GNA12: variants seen among roughly 807,000 people sequenced by gnomAD.
The protein encoded by GNA12 is G protein subunit alpha 12.
A neutral mutation model predicts 26.0 loss-of-function variants in GNA12; 9 were observed. That is an observed-to-expected ratio of 0.35 (90% CI 0.21 to 0.60). The LOEUF (loss-of-function observed/expected upper bound fraction) is 0.60. Among genes scored for constraint, GNA12 ranks in the 20% least tolerant of loss-of-function variants. The pLI is 0.78. For synonymous variants in GNA12, 264 were observed against 219.6 expected, an observed-to-expected ratio of 1.20 and a Z score of -1.79; for missense variants, 405 against 525.8, an observed-to-expected ratio of 0.77 and a Z score of 2.25.
intron 2 of GNA12, among the ~76,000 whole-genome samples, chr7:2,767,937 C>T (rs1487723888): frequency 6.6e-6 from 1 of 152,198 alleles, no homozygotes; most frequent in Non-Finnish European, 1.5e-5. Flanking sequence ...TCACTGCAAC[C>T]TCCGCCTCCT....
At chr7:2,759,699 A>AT (rs1791468140) in intron 2 of GNA12, among the ~76,000 whole-genome samples, 1 of 152,168 alleles carries the variant, frequency 6.6e-6, no homozygotes, top group Non-Finnish European at 1.5e-5. Flanking sequence ...TTCTGTAGTC[A>AT]TACAGGATAG....
rs2115265503 is a variant in GNA12, at chr7:2,728,151, A to G, written c.*3030T>C. 6.6e-6 allele frequency: 1 copy of G among 152,452 alleles called. No homozygotes were observed. 9.4% of individuals were successfully genotyped at this position (152,452 alleles called of 1,614,324 possible). ...ACTAAATTTATTTTAATAAACATTCAGAGGCTGAGGGTGGCCAAATTTTCA... is the reference window on the plus strand; with the variant it reads ...ACTAAATTTATTTTAATAAACATTCGGAGGCTGAGGGTGGCCAAATTTTCA... On this transcript the variant is annotated 3_prime_UTR_variant, in exon 4 of 4. Transcript: ENST00000275364.
intron 1 of GNA12, chr7:2,814,917 A>AT: frequency 1.3e-6 from 2 of 1,597,014 alleles, no homozygotes; most frequent in Non-Finnish European, 8.5e-7. Context: ...CCTGGGAAAC[A>AT]TTCTCCGTTT....
chr7:2,735,361 T>C (rs1427414885), intron 2 of GNA12, among the ~76,000 whole-genome samples: 1 of 152,206 alleles, frequency 6.6e-6, no homozygotes, highest in Non-Finnish European at 1.5e-5. Flanking sequence ...GAGGCAGTTC[T>C]CCTGCAGGGT....
Position 2,786,555 on chromosome 7 carries a change from CTCTG to C in GNA12, c.525+8369_525+8372del, listed in dbSNP as rs199976870. On this transcript the variant is annotated intron_variant, in intron 2 of 3. Coordinates refer to ENST00000275364, the MANE Select transcript of GNA12 (RefSeq NM_007353.3). ...AACTAAACGTATAAACATATTATAT[CTCTG>C]TCTGTCTGTCTATCTATGGAAGACT... is the stretch of plus-strand genomic sequence containing the variant. Among the ~76,000 whole-genome samples, 252 of 152,314 alleles carry C rather than the reference CTCTG, an allele frequency of 1.7e-3. 1 individual carries two copies. The highest frequency in any genetic ancestry group is 5.5e-3 in the African/African-American group (227 of 41,564).
At chr7:2,836,497 A>G (rs1401077899) in intron 1 of GNA12, among the ~76,000 whole-genome samples, 1 of 152,192 alleles carries the variant, frequency 6.6e-6, no homozygotes, top group Non-Finnish European at 1.5e-5. Context: ...GGCGCTGCAG[A>G]AGCCTCCAAG....
intron 1 of GNA12, among the ~76,000 whole-genome samples, chr7:2,823,627 T>A (rs1793417354): frequency 6.6e-6 from 1 of 152,096 alleles, no homozygotes; most frequent in Non-Finnish European, 1.5e-5. Flanking sequence ...TGTTACAAGC[T>A]GGAATACAGG....
At chr7:2,779,253 C>G (rs555067940) in intron 2 of GNA12, among the ~76,000 whole-genome samples, 1 of 152,050 alleles carries the variant, frequency 6.6e-6, no homozygotes, top group Admixed American at 6.6e-5. Context: ...AGGAGGCTGA[C>G]GTGAGGAATG....
intron 2 of GNA12, among the ~76,000 whole-genome samples, chr7:2,737,121 T>C (rs766854152): frequency 6.6e-5 from 10 of 152,216 alleles, no homozygotes; most frequent in Non-Finnish European, 8.8e-5. Context: ...TAACCGTGGA[T>C]TGGTCTCAGA....
At chr7:2,760,306 T>C (rs1791497191) in intron 2 of GNA12, 1 of 152,436 alleles carries the variant, frequency 6.6e-6, no homozygotes, top group South Asian at 2.1e-4. Context: ...CAACCTGCTG[T>C]GTTCTGCACA....
chr7:2,765,626 T>C (rs1471298906), intron 2 of GNA12, among the ~76,000 whole-genome samples: 4 of 151,294 alleles, frequency 2.6e-5, no homozygotes, highest in Non-Finnish European at 4.4e-5. Flanking sequence ...TTTTTTTTTT[T>C]CTTCTTTTTA....
chr7:2,814,772 T>C (rs1338012608), intron 1 of GNA12: 2 of 1,047,358 alleles, frequency 1.9e-6, no homozygotes, highest in Non-Finnish European at 2.8e-6. Context: ...CCAACACACA[T>C]CCTAGAAAGG....
At chr7:2,762,719 C>A (rs1791621657) in intron 2 of GNA12, 1 of 1,561,938 alleles carries the variant, frequency 6.4e-7, no homozygotes, top group Admixed American at 1.9e-5. Context: ...CAGAGGGAAG[C>A]AGGCCCCATG....
chr7:2,762,136 A>G (rs1348381400), intron 2 of GNA12: 1 of 154,030 alleles, frequency 6.5e-6, no homozygotes, highest in Non-Finnish European at 1.4e-5. Context: ...AAGACATGCC[A>G]AAAATACTGA....
intron 2 of GNA12, among the ~76,000 whole-genome samples, chr7:2,783,869 G>C (rs1482341417): frequency 1.3e-5 from 2 of 151,780 alleles, no homozygotes; most frequent in African/African-American, 2.4e-5. Flanking sequence ...ATTTTTAGTA[G>C]AGACAGGGTT....
At chr7:2,824,407 A>G (rs935355190) in intron 1 of GNA12, among the ~76,000 whole-genome samples, 1 of 152,068 alleles carries the variant, frequency 6.6e-6, no homozygotes, top group African/African-American at 2.4e-5. Context: ...GGGTCTGCGG[A>G]GGCCTCTGCA....
intron 2 of GNA12, among the ~76,000 whole-genome samples, chr7:2,780,062 A>G (rs777533356): frequency 0.02 from 1,345 of 68,538 alleles, 74 homozygotes; most frequent in Non-Finnish European, 0.035. Context: ...ATATATATAT[A>G]TATATATATA....
chr7:2,765,145 G>T (rs925912764), intron 2 of GNA12: 1 of 151,458 alleles, frequency 6.6e-6, no homozygotes, highest in Non-Finnish European at 1.5e-5. Context: ...AGAATCACAG[G>T]CTGACTTTTT....
At chr7:2,762,844 C>G in intron 2 of GNA12, 1 of 1,487,608 alleles carries the variant, frequency 6.7e-7, no homozygotes. Flanking sequence ...CAGCGCGGCT[C>G]CGAAGCAGGA....
Sources: allele counts gnomAD v4.1 joint callset (sites outside exome capture counted in the v4.1 genomes callset), GRCh38; gene constraint gnomAD v4.1.1; transcripts MANE v1.5; gene names NCBI Gene and HGNC (gene_info 2026-07-23, HGNC 2026-07-21).